Variants in HERPUD2 observed in about 807,000 individuals in gnomAD.
HERPUD2 encodes homocysteine-responsive endoplasmic reticulum-resident ubiquitin-like domain member 2 protein.
In HERPUD2, 13 loss-of-function variants were observed where a neutral mutation model predicts 49.9. That is an observed-to-expected ratio of 0.26 (90% CI 0.17 to 0.41). The LOEUF is 0.41. HERPUD2 is among the 10% of genes least tolerant of loss of function. The pLI is 1.00. For synonymous variants in HERPUD2, 172 were observed against 171.4 expected (o/e 1.00, Z -0.03); for missense variants, 449 against 492.2 (o/e 0.91, Z 0.83).
intron 2 of HERPUD2, among the ~76,000 whole-genome samples, chr7:35,685,258 A>G (rs1786011673): frequency 6.6e-6 from 1 of 151,580 alleles, no homozygotes; most frequent in African/African-American, 2.4e-5. Flanking sequence ...CAGAAAAGAA[A>G]ACAGAAACAT....
At chr7:35,687,837 C>T (rs889615158) in intron 2 of HERPUD2, among the ~76,000 whole-genome samples, 1 of 152,110 alleles carries the variant, frequency 6.6e-6, no homozygotes, top group African/African-American at 2.4e-5. Flanking sequence ...TTTTATATTT[C>T]AAGAAAGTCA....
At chr7:35,681,387 T>C (rs552654248) in intron 2 of HERPUD2, among the ~76,000 whole-genome samples, 1 of 152,182 alleles carries the variant, frequency 6.6e-6, no homozygotes, top group East Asian at 1.9e-4. Flanking sequence ...GTTCAGCCAC[T>C]GTGAAAAAAA....
At chr7:35,678,257 G>C (rs763282235) in intron 2 of HERPUD2, among the ~76,000 whole-genome samples, 1 of 150,430 alleles carries the variant, frequency 6.6e-6, no homozygotes, top group Non-Finnish European at 1.5e-5. Context: ...AAAAAACAAA[G>C]TTCCAATTCA....
At chr7:35,650,659 C>T (rs186294567) in intron 5 of HERPUD2, among the ~76,000 whole-genome samples, 6 of 152,314 alleles carry the variant, frequency 3.9e-5, no homozygotes, top group Admixed American at 3.9e-4. Context: ...AGCAACCCCA[C>T]ACCTGTGAAC....
chr7:35,678,250 A>C (rs969740615), intron 2 of HERPUD2, among the ~76,000 whole-genome samples: 6 of 152,028 alleles, frequency 3.9e-5, no homozygotes, highest in South Asian at 2.1e-4. Context: ...AAAAAAAAAA[A>C]AACAAAGTTC....
chr7:35,670,109 C>G (rs1268277304), intron 4 of HERPUD2, 106 bp downstream of exon 4: 2 of 514,396 alleles, frequency 3.9e-6, no homozygotes, highest in African/African-American at 4.0e-5. Flanking sequence ...TCAAAATTCA[C>G]AAGCTCCAAT....
At chr7:35,669,426 G>C in intron 4 of HERPUD2, among the ~76,000 whole-genome samples, 1 of 152,146 alleles carries the variant, frequency 6.6e-6, no homozygotes, top group Non-Finnish European at 1.5e-5. Flanking sequence ...CTGGAGTCTT[G>C]ACAAGGAAAG....
chr7:35,635,718 G>A (rs1784861353), intron 6 of HERPUD2, among the ~76,000 whole-genome samples: 1 of 152,090 alleles, frequency 6.6e-6, no homozygotes, highest in Non-Finnish European at 1.5e-5. Context: ...CGTGAGAGCA[G>A]CCATGTTAAC....
At chr7:35,635,011 C>A in intron 7 of HERPUD2, 124 bp downstream of exon 7, 1 of 664,276 alleles carries the variant, frequency 1.5e-6, no homozygotes, top group Non-Finnish European at 2.5e-6. Flanking sequence ...AAAAACATGC[C>A]AGATATCTAA....
intron 2 of HERPUD2, among the ~76,000 whole-genome samples, chr7:35,688,931 C>T (rs550571882): frequency 1.3e-4 from 19 of 151,752 alleles, no homozygotes; most frequent in African/African-American, 4.6e-4. Flanking sequence ...AATTATAAAC[C>T]TTACATCATA....
intron 5 of HERPUD2, among the ~76,000 whole-genome samples, chr7:35,659,066 C>T (rs962614889): frequency 3.3e-5 from 5 of 152,172 alleles, no homozygotes; most frequent in African/African-American, 1.2e-4. Context: ...TGGTGGTAAA[C>T]AACACATGCA....
intron 4 of HERPUD2, among the ~76,000 whole-genome samples, chr7:35,668,342 T>G (rs1053550139): frequency 2.6e-5 from 4 of 152,186 alleles, no homozygotes; most frequent in Admixed American, 2.6e-4. Context: ...TTTATTCTCG[T>G]GCTCATGGAT....
chr7:35,667,594 A>G lies in HERPUD2; in HGVS notation c.340-6T>C, dbSNP rs1172172508. 1.2e-5 allele frequency: 19 copies of G among 1,588,742 alleles called. No individual in the cohort carries two copies. The highest frequency in any genetic ancestry group is 3.3e-4 in the Middle Eastern group (2 of 5,972). Reference sequence around the variant, plus strand: ...GATCCTGAATGATCTGAACTCTACAAATAAAAATGTAATTTTTAAAAGGAG... The same window carrying G: ...GATCCTGAATGATCTGAACTCTACAGATAAAAATGTAATTTTTAAAAGGAG... On this transcript the variant is annotated splice_polypyrimidine_tract_variant and splice_region_variant and intron_variant, in intron 4 of 8. Coordinates refer to ENST00000311350, the MANE Select transcript of HERPUD2 (RefSeq NM_022373.5).
In HERPUD2 at chr7:35,694,233, G is replaced by C; in HGVS notation, c.98C>G (p.Thr33Ser). Residue 33 changes from threonine to serine, a missense_variant, in exon 2 of 9, where the codon ACC becomes AGC. Coordinates refer to ENST00000311350, the MANE Select transcript of HERPUD2 (RefSeq NM_022373.5). ...TAGATGCGTTTTTAGTTTCCCCACG[G>C]TCCAGTTCAAGAAGCAGCTAATAGT... ...DQTISCFLNW[T>S]VGKLKTHLSN... The C allele has an allele frequency of 6.2e-7, 1 of 1,614,026 alleles. No individual in the cohort carries two copies.
chr7:35,642,348 T>C (rs1784979232), intron 5 of HERPUD2, among the ~76,000 whole-genome samples: 1 of 152,222 alleles, frequency 6.6e-6, no homozygotes, highest in African/African-American at 2.4e-5. Flanking sequence ...TGAACACTTC[T>C]ACACTGTTGG....
intron 2 of HERPUD2, among the ~76,000 whole-genome samples, chr7:35,674,390 T>TAC (rs1785706600): frequency 1.9e-5 from 1 of 53,562 alleles, no homozygotes; most frequent in Admixed American, 2.3e-4. Context: ...TATATATATA[T>TAC]ATATATATAT....
Position 35,667,434 on chromosome 7 carries a change from C to T in HERPUD2, c.494G>A (p.Gly165Glu). 1 of 1,609,832 alleles carries T rather than the reference C, an allele frequency of 6.2e-7. No homozygotes were observed. Among genetic ancestry groups the T allele is most frequent in the Non-Finnish European group, 8.5e-7 (1 of 1,176,910 alleles). ...QSHQFPYVMQ[G>E]NVDNQFPGQA... Reference sequence around the variant, plus strand: ...CCATAGCTACCACAATTTCACTTACCCTTGCATTACATATGGAAACTGGTG... The same window carrying T: ...CCATAGCTACCACAATTTCACTTACTCTTGCATTACATATGGAAACTGGTG... Residue 165 changes from glycine to glutamate, a missense_variant and splice_region_variant, in exon 5 of 9, where the codon GGA becomes GAA. Gly to Glu is a moderately conservative substitution (Grantham distance 98, BLOSUM62 -2). Coordinates refer to ENST00000311350, the MANE Select transcript of HERPUD2 (RefSeq NM_022373.5).
intron 5 of HERPUD2, among the ~76,000 whole-genome samples, chr7:35,654,185 C>A (rs1278018045): frequency 6.6e-6 from 1 of 150,600 alleles, no homozygotes; most frequent in Admixed American, 6.6e-5. Context: ...AACCACCTAA[C>A]CCAAAATTAG....
chr7:35,645,709 C>T (rs777543297), intron 5 of HERPUD2, among the ~76,000 whole-genome samples: 2 of 152,276 alleles, frequency 1.3e-5, no homozygotes, highest in African/African-American at 2.4e-5. Flanking sequence ...AAGACCCTAT[C>T]GTGATTTTAA....
Sources: gnomAD v4.1 joint callset for allele counts (sites outside exome capture counted in the v4.1 genomes callset) on GRCh38, gnomAD v4.1.1 for gene constraint, MANE v1.5 for transcripts, NCBI Gene and HGNC (gene_info 2026-07-23, HGNC 2026-07-21) for gene names.